SHROOM1: variants seen among roughly 807,000 people sequenced by gnomAD.
SHROOM1 encodes shroom family member 1.
SHROOM1 carries 53 observed loss-of-function variants against 64.2 expected under a neutral mutation model. The observed-to-expected ratio is 0.83, with a 90% CI of 0.66 to 1.04. The LOEUF (loss-of-function observed/expected upper bound fraction) is 1.04, where lower values mean the gene tolerates loss of function less well. Among genes scored for constraint, SHROOM1 ranks in the 50% least tolerant of loss-of-function variants. The pLI, the probability that SHROOM1 is intolerant of heterozygous loss-of-function variation, is 0.00. For synonymous variants in SHROOM1, 490 were observed against 518.9 expected, an observed-to-expected ratio of 0.94 and a Z score of 0.76; for missense variants, 1,179 against 1,163.2, an observed-to-expected ratio of 1.01 and a Z score of -0.20.
Position 132,824,382 on chromosome 5 carries a change from C to G in SHROOM1, c.1279G>C (p.Gly427Arg). 6.3e-7 allele frequency: 1 copy of G among 1,578,414 alleles called. No individual in the cohort carries two copies. Among genetic ancestry groups the G allele is most frequent in the Non-Finnish European group, 8.6e-7 (1 of 1,163,006 alleles). Reference protein sequence around the residue: ...ASDQPYGTGLGQRTGQVTVPT... With the variant: ...ASDQPYGTGLRQRTGQVTVPT... ...ACTGTAACCTGGCCAGTTCTTTGGC[C>G]TAAGCCAGTTCCATACGGCTGGTCA... is the stretch of plus-strand genomic sequence containing the variant. The change falls in exon 7 of 10, where the codon GGC becomes CGC. Residue 427 changes from glycine to arginine, a missense_variant. By Grantham distance (125) the Gly-to-Arg change is moderately radical. Transcript: ENST00000378679.
intron 2 of SHROOM1, chr5:132,826,814 C>T (rs2150032278): frequency 6.6e-6 from 1 of 152,364 alleles, no homozygotes. Context: ...AATGATTTGT[C>T]CAGGGCCACA....
rs762868505 is a variant in SHROOM1, at chr5:132,824,212, G to A, written c.1449C>T (p.Asp483=). 1.2e-6 allele frequency: 2 copies of A among 1,614,188 alleles called. No homozygotes were observed. Among genetic ancestry groups the A allele is most frequent in the African/African-American group, 1.3e-5 (1 of 75,046 alleles). The stretch of plus-strand genomic sequence containing the variant: ...GGGGATTGGTGGTCAGTCCAGTGGG[G>A]TCAATAGTTGGGATGTTATCATTTG... The part of the protein sequence containing the change: ...GTANDNIPTI[D]PTGLTTNPPT... The change falls in exon 7 of 10, where the codon GAC becomes GAT. Residue 483 remains aspartate (D), a synonymous_variant. Transcript: ENST00000378679.
At chr5:132,824,563 G>A (rs1245733226) in intron 6 of SHROOM1, 52 bp downstream of exon 6, 6 of 1,564,548 alleles carry the variant, frequency 3.8e-6, no homozygotes, top group Non-Finnish European at 5.2e-6. Flanking sequence ...GCGTTTTGTA[G>A]ATGTGTGTGT....
rs777419383 is a variant in SHROOM1 at position 132,822,994 on chromosome 5, G to A, written c.2361C>T (p.Arg787=). Residue 787 remains arginine, a synonymous_variant, in exon 10 of 10, where the codon CGC becomes CGT. Coordinates refer to ENST00000378679, the MANE Select transcript of SHROOM1 (RefSeq NM_001172700.2). The part of the protein sequence containing the change: ...LVRALPVEEL[R]VYCALLAGKA... ...TGCCCGCCAGCAGGGCGCAATAGACGCGCAGCTCCTCCACCGGTAGTGCTC... is the reference window on the plus strand; with the variant it reads ...TGCCCGCCAGCAGGGCGCAATAGACACGCAGCTCCTCCACCGGTAGTGCTC... The A allele has an allele frequency of 6.2e-6, 10 of 1,606,840 alleles. No homozygotes were observed. Among genetic ancestry groups the A allele is most frequent in the South Asian group, 4.4e-5 (4 of 91,040 alleles).
At position 132,823,876 on chromosome 5, in the gene SHROOM1, C is replaced by T. The variant is rs1470844104; in HGVS notation, c.1785G>A (p.Glu595=). ...CTGGCTCAAAAGTACTGGCAGCCTCCTCTCCAGCCTCCCCACAGGCAGGCC... is the reference window on the plus strand; with the variant it reads ...CTGGCTCAAAAGTACTGGCAGCCTCTTCTCCAGCCTCCCCACAGGCAGGCC... ...AMRPACGEAG[E]EAASTFEPGS... The change falls in exon 7 of 10, where the codon GAG becomes GAA. Residue 595 remains glutamate (E), a synonymous_variant. Transcript: ENST00000378679. This position sits in a 1 kb window ranked among gnomAD's most constrained non-coding sequence, Gnocchi z 4.6. 3 of 1,531,422 alleles carry T rather than the reference C, an allele frequency of 2.0e-6. No individual in the cohort carries two copies. The South Asian group carries it at 3.9e-5, about 20-fold the overall frequency. 94.9% of individuals were successfully genotyped at this position (1,531,422 alleles called of 1,614,324 possible).
At position 132,830,472 on chromosome 5, in the gene SHROOM1, G is replaced by GACCCCCGC; in HGVS notation, c.-501+121_-501+122insGCGGGGGT. On this transcript the variant is annotated intron_variant, in intron 1 of 9. Transcript: ENST00000378679. This position sits in a 1 kb window ranked among gnomAD's most constrained non-coding sequence, Gnocchi z 5.9. ...CACGTCCCGGCCGAACGATGCCCGGGCTGCCCCGCGACCACCGCCTCGCCG... is the reference window on the plus strand; with the variant it reads ...CACGTCCCGGCCGAACGATGCCCGGGACCCCCGCCTGCCCCGCGACCACCGCCTCGCCG... The GACCCCCGC allele has an allele frequency of 1.0e-6, 1 of 984,982 alleles. No homozygotes were observed. Among genetic ancestry groups the GACCCCCGC allele is most frequent in the Non-Finnish European group, 1.2e-6 (1 of 829,806 alleles). 61.0% of individuals were successfully genotyped at this position (984,982 alleles called of 1,614,324 possible).
Position 132,822,996 on chromosome 5 carries a change from GCAGCTCCTCCACCGGTAGTGCTCGCAC to G in SHROOM1, c.2332_2358del (p.Val778_Leu786del). 6.2e-7 allele frequency: 1 copy of G among 1,606,600 alleles called. No homozygotes were observed. The highest frequency in any genetic ancestry group is 8.5e-7 in the Non-Finnish European group (1 of 1,179,690). On this transcript the variant is annotated inframe_deletion, in exon 10 of 10. Transcript: ENST00000378679. ...CCCGCCAGCAGGGCGCAATAGACGC[GCAGCTCCTCCACCGGTAGTGCTCGCAC>G]CAGCACCTCCCGCACGGCCCGCTCG...
At chr5:132,829,702 G>T in intron 1 of SHROOM1, 1 of 985,398 alleles carries the variant, frequency 1.0e-6, no homozygotes, top group Non-Finnish European at 1.2e-6. Context: ...CTGTGTAGGC[G>T]CTGTCTCCCT....
rs1324909841 is a variant in SHROOM1 at position 132,822,749 on chromosome 5, C to T, written c.*47G>A. On this transcript the variant is annotated 3_prime_UTR_variant, in exon 10 of 10. Transcript: ENST00000378679. ...GACTAAATCAGCATCACCCCACTTA[C>T]GTGGGTGAGAGATAGGGGCGGTGCA... The T allele has an allele frequency of 1.3e-6, 2 of 1,497,714 alleles. No individual in the cohort carries two copies. The highest frequency in any genetic ancestry group is 2.1e-5 in the Admixed American group (1 of 47,644). 92.8% of individuals were successfully genotyped at this position (1,497,714 alleles called of 1,614,324 possible). A position where few individuals can be genotyped will look rare whatever the true frequency, so the allele number is the denominator to read the frequency against.
Position 132,830,585 on chromosome 5 carries a change from G to A in SHROOM1, c.-501+9C>T. On this transcript the variant is annotated intron_variant, in intron 1 of 9. Transcript: ENST00000378679. The surrounding 1 kb of genome is among the most constrained non-coding windows in gnomAD (Gnocchi z 5.9). ...GCCCGCTTCCCGCTCCCCCGCCCCC[G>A]CCGCGTACCTGAGGCTCCCGCCGAG... is the stretch of plus-strand genomic sequence containing the variant. 2 of 985,072 alleles carry A rather than the reference G, an allele frequency of 2.0e-6. No homozygotes were observed. The highest frequency in any genetic ancestry group is 2.4e-6 in the Non-Finnish European group (2 of 829,776). 61.0% of individuals were successfully genotyped at this position (985,072 alleles called of 1,614,324 possible).
At position 132,823,517 on chromosome 5, in the gene SHROOM1, C is replaced by A. The variant is rs1178862868; in HGVS notation, c.1959G>T (p.Glu653Asp). The A allele has an allele frequency of 6.3e-7, 1 of 1,599,718 alleles. No individual in the cohort carries two copies. The highest frequency in any genetic ancestry group is 1.3e-5 in the African/African-American group (1 of 74,756). Residue 653 changes from glutamate (E) to aspartate (D), a missense_variant, in exon 9 of 10, where the codon GAG becomes GAT. Glu to Asp is a conservative substitution (Grantham distance 45). Coordinates refer to ENST00000378679, the MANE Select transcript of SHROOM1 (RefSeq NM_001172700.2). The surrounding 1 kb of genome is among the most constrained non-coding windows in gnomAD (Gnocchi z 4.6). ...PNNSIQGKKV[E>D]LAARLQKMLQ... ...GCATCTTTTGGAGGCGGGCGGCCAG[C>A]TCCACCTACAGGGAAGGCTCAAGGC...
In SHROOM1 at chr5:132,830,262, G is replaced by A; in HGVS notation, c.-501+332C>T. ...TCCAGATGCTTGGCGACAAAGGGCA[G>A]GAGCGGAGGGTGGCGGAGTGAGACC... On this transcript the variant is annotated intron_variant, in intron 1 of 9. Transcript: ENST00000378679. The surrounding 1 kb of genome is among the most constrained non-coding windows in gnomAD (Gnocchi z 5.9). The A allele has an allele frequency of 1.0e-6, 1 of 985,366 alleles. No homozygotes were observed. Among genetic ancestry groups the A allele is most frequent in the Non-Finnish European group, 1.2e-6 (1 of 829,884 alleles). The allele number at this position is 985,366 out of a possible 1,614,324, so 61.0% of individuals were successfully genotyped here.
rs940392507 is a variant in SHROOM1 at position 132,822,524 on chromosome 5, C to T, written c.*272G>A. 3.4e-4 allele frequency: 107 copies of T among 318,132 alleles called. No individual in the cohort carries two copies. The highest frequency in any genetic ancestry group is 2.1e-3 in the African/African-American group (98 of 45,692). The allele number at this position is 318,132 out of a possible 1,614,324, so 19.7% of individuals were successfully genotyped here. A position where few individuals can be genotyped will look rare whatever the true frequency, so the allele number is the denominator to read the frequency against. On this transcript the variant is annotated 3_prime_UTR_variant, in exon 10 of 10. Transcript: ENST00000378679. ...CAATACAGGCACCCGCCACCACGCC[C>T]GGCTAATTTTTTATATTTTTAGTAG...
rs1161160054 is a variant in SHROOM1, at chr5:132,830,180, C to T, written c.-501+414G>A. 2.0e-6 allele frequency: 2 copies of T among 985,172 alleles called. No homozygotes were observed. Among genetic ancestry groups the T allele is most frequent in the African/African-American group, 1.7e-5 (1 of 57,212 alleles). The allele number at this position is 985,172 out of a possible 1,614,324, so 61.0% of individuals were successfully genotyped here. A position where few individuals can be genotyped will look rare whatever the true frequency, so the allele number is the denominator to read the frequency against. On this transcript the variant is annotated intron_variant, in intron 1 of 9. Transcript: ENST00000378679. The surrounding 1 kb of genome is among the most constrained non-coding windows in gnomAD (Gnocchi z 5.9). ...GGGCCTTTCCCGTTGGGTTCACCGT[C>T]GGGGAAGGATCGCGCGCAGGGGACA... is the stretch of plus-strand genomic sequence containing the variant.
Position 132,826,418 on chromosome 5 carries a change from G to A in SHROOM1, c.-184C>T, listed in dbSNP as rs1758704820. The A allele has an allele frequency of 5.7e-6, 3 of 523,470 alleles. No homozygotes were observed. Among genetic ancestry groups the A allele is most frequent in the South Asian group, 1.0e-4 (1 of 9,760 alleles). 32.4% of individuals were successfully genotyped at this position (523,470 alleles called of 1,614,324 possible). ...AGGTTGAGGGCCCAGCTCAGGGGAA[G>A]GAATTGGGACCAGCTCATTCCCTGC... is the stretch of plus-strand genomic sequence containing the variant. On this transcript the variant is annotated 5_prime_UTR_variant, in exon 3 of 10. Coordinates refer to ENST00000378679, the MANE Select transcript of SHROOM1 (RefSeq NM_001172700.2).
At position 132,823,342 on chromosome 5, in the gene SHROOM1, C is replaced by T. The variant is rs761447867; in HGVS notation, c.2134G>A (p.Val712Met). Reference protein sequence around the residue: ...FSRFMADLERVLGLLLLLGSR... With the variant: ...FSRFMADLERMLGLLLLLGSR... ...CCCAGCAGCAGCAGAAGGCCAAGCA[C>T]GCGCTCTAGGTCGGCCATGAACCGG... Residue 712 changes from valine (V) to methionine (M), a missense_variant, in exon 9 of 10, where the codon GTG becomes ATG. Coordinates refer to ENST00000378679, the MANE Select transcript of SHROOM1 (RefSeq NM_001172700.2). The surrounding 1 kb of genome is among the most constrained non-coding windows in gnomAD (Gnocchi z 4.6). 4 of 1,606,398 alleles carry T rather than the reference C, an allele frequency of 2.5e-6. No individual in the cohort carries two copies. The East Asian group carries it at 6.7e-5, about 27-fold the overall frequency.
At position 132,830,061 on chromosome 5, in the gene SHROOM1, G is replaced by C; in HGVS notation, c.-501+533C>G. On this transcript the variant is annotated intron_variant, in intron 1 of 9. Coordinates refer to ENST00000378679, the MANE Select transcript of SHROOM1 (RefSeq NM_001172700.2). The surrounding 1 kb of genome is among the most constrained non-coding windows in gnomAD (Gnocchi z 5.9). ...TTCAATCTCTGGGAGCCGAGGCACG[G>C]GAGGGAGAGAGGCGCAGGCCCCGGC... 1.0e-6 allele frequency: 1 copy of C among 985,388 alleles called. No homozygotes were observed. Among genetic ancestry groups the C allele is most frequent in the Non-Finnish European group, 1.2e-6 (1 of 829,906 alleles). The allele number at this position is 985,388 out of a possible 1,614,324, so 61.0% of individuals were successfully genotyped here.
At chr5:132,827,188 AC>A (rs1283039929) in intron 2 of SHROOM1, among the ~76,000 whole-genome samples, 4 of 151,432 alleles carry the variant, frequency 2.6e-5, no homozygotes, top group African/African-American at 9.7e-5. Flanking sequence ...GCTGACCCCC[AC>A]CCCACACTGT....
In SHROOM1 at chr5:132,823,998, A is replaced by G; in HGVS notation, c.1663T>C (p.Ser555Pro). The change falls in exon 7 of 10, where the codon TCT becomes CCT. Residue 555 changes from serine to proline, a missense_variant. Transcript: ENST00000378679. This position sits in a 1 kb window ranked among gnomAD's most constrained non-coding sequence, Gnocchi z 4.6. ...TGGGAAGCAAGAGGGTCACATAGAG[A>G]GGGATCTAATCTGGCCAGCTCCTGA... is the stretch of plus-strand genomic sequence containing the variant. ...LVQELARLDP[S>P]LCDPLASQPS... is the part of the protein sequence containing the mutation. The G allele has an allele frequency of 8.7e-6, 14 of 1,606,522 alleles. No individual in the cohort carries two copies. The highest frequency in any genetic ancestry group is 1.1e-5 in the Non-Finnish European group (13 of 1,176,232).
Sources: gnomAD v4.1 joint callset for allele counts (sites outside exome capture counted in the v4.1 genomes callset) on GRCh38, gnomAD v4.1.1 for gene constraint, Gnocchi (gnomAD v3.1) non-coding constraint, MANE v1.5 for transcripts, NCBI Gene and HGNC (gene_info 2026-07-23, HGNC 2026-07-21) for gene names.